The following SPOCK3 variants were observed in gnomAD, a reference collection of about 807,000 sequenced individuals.
SPOCK3 encodes SPARC (osteonectin), cwcv and kazal like domains proteoglycan 3.
In SPOCK3, 30 loss-of-function variants were observed where a neutral mutation model predicts 56.6. The ratio of observed to expected loss-of-function variants is 0.53; its 90% CI spans 0.40 to 0.72. SPOCK3 has a LOEUF of 0.72. SPOCK3 is among the 30% of genes least tolerant of loss of function. The pLI is 0.00. For synonymous variants in SPOCK3, 196 were observed against 183.3 expected, an observed-to-expected ratio of 1.07 and a Z score of -0.56; for missense variants, 527 against 530.0, an observed-to-expected ratio of 0.99 and a Z score of 0.06.
At chr4:166,838,904 G>T (rs1052268569) in intron 6 of SPOCK3, among the ~76,000 whole-genome samples, 2 of 151,080 alleles carry the variant, frequency 1.3e-5, no homozygotes, top group African/African-American at 4.9e-5. Context: ...GGAGGTTGCA[G>T]TGAGCCGAGA....
At chr4:166,767,933 C>T (rs1025014962) in intron 7 of SPOCK3, among the ~76,000 whole-genome samples, 1 of 152,106 alleles carries the variant, frequency 6.6e-6, no homozygotes, top group Admixed American at 6.6e-5. Flanking sequence ...GATGCCTTTA[C>T]CATTATGTAA....
At chr4:166,765,752 T>C (rs1480319988) in intron 7 of SPOCK3, among the ~76,000 whole-genome samples, 9 of 152,242 alleles carry the variant, frequency 5.9e-5, no homozygotes, top group South Asian at 2.1e-4. Flanking sequence ...ATGGGGATGG[T>C]ATTGAATCTA....
At chr4:166,890,024 A>G (rs1159167730) in intron 5 of SPOCK3, among the ~76,000 whole-genome samples, 1 of 151,928 alleles carries the variant, frequency 6.6e-6, no homozygotes. Context: ...TTTAGACTGA[A>G]CTTCCCATAG....
chr4:166,842,106 A>C (rs777911254), intron 6 of SPOCK3, among the ~76,000 whole-genome samples: 1 of 152,148 alleles, frequency 6.6e-6, no homozygotes, highest in African/African-American at 2.4e-5. Context: ...TGGCCTTAGG[A>C]GTGAAGCTGC....
At chr4:166,917,460 C>T (rs1182972501) in intron 4 of SPOCK3, among the ~76,000 whole-genome samples, 2 of 152,062 alleles carry the variant, frequency 1.3e-5, no homozygotes, top group African/African-American at 4.8e-5. Flanking sequence ...CCTAAGCTGG[C>T]TGAAAAACTC....
intron 2 of SPOCK3, among the ~76,000 whole-genome samples, chr4:167,110,279 C>A (rs896684125): frequency 1.3e-5 from 2 of 152,008 alleles, no homozygotes; most frequent in African/African-American, 4.8e-5. Context: ...ATCTCCTCTC[C>A]CATCTTTCCT....
chr4:167,031,562 A>T (rs1269173042), intron 3 of SPOCK3, among the ~76,000 whole-genome samples: 1 of 152,060 alleles, frequency 6.6e-6, no homozygotes, highest in Non-Finnish European at 1.5e-5. Flanking sequence ...AGAGAAAAAT[A>T]TTTGAATTAC....
intron 2 of SPOCK3, among the ~76,000 whole-genome samples, chr4:167,208,971 A>C (rs968450042): frequency 6.6e-6 from 1 of 152,176 alleles, no homozygotes; most frequent in Non-Finnish European, 1.5e-5. Flanking sequence ...ATTTGCACAT[A>C]GATCACTAAT....
At chr4:167,006,172 T>C (rs1441089403) in intron 3 of SPOCK3, among the ~76,000 whole-genome samples, 1 of 152,198 alleles carries the variant, frequency 6.6e-6, no homozygotes, top group Non-Finnish European at 1.5e-5. Context: ...ATCTCAGTTT[T>C]AGATATCAGA....
intron 2 of SPOCK3, among the ~76,000 whole-genome samples, chr4:167,160,091 A>T (rs1359825653): frequency 6.6e-5 from 10 of 152,244 alleles, no homozygotes; most frequent in Non-Finnish European, 1.3e-4. Flanking sequence ...GGAAAAGAGG[A>T]AGTCAAATTG....
intron 4 of SPOCK3, among the ~76,000 whole-genome samples, chr4:166,952,882 T>A (rs1023303925): frequency 6.6e-6 from 1 of 151,736 alleles, no homozygotes; most frequent in Non-Finnish European, 1.5e-5. Context: ...GCTAGCCATA[T>A]GTAGAAGGCT....
chr4:167,202,659 G>T (rs13328003), intron 2 of SPOCK3, among the ~76,000 whole-genome samples: 26,613 of 151,450 alleles, frequency 0.18, 2,486 homozygotes, highest in Admixed American at 0.26. Flanking sequence ...AACTGTGAAG[G>T]GTAGAGATAT....
chr4:166,909,057 T>C (rs1736959422), intron 5 of SPOCK3, among the ~76,000 whole-genome samples: 1 of 152,120 alleles, frequency 6.6e-6, no homozygotes, highest in African/African-American at 2.4e-5. Context: ...TAAATAATTT[T>C]TCTTAACAGG....
chr4:167,107,405 C>A (rs1285975702), intron 2 of SPOCK3, among the ~76,000 whole-genome samples: 1 of 151,810 alleles, frequency 6.6e-6, no homozygotes, highest in Non-Finnish European at 1.5e-5. Flanking sequence ...ACCATATGAT[C>A]ATTTCAATTG....
intron 4 of SPOCK3, among the ~76,000 whole-genome samples, chr4:166,948,516 C>G (rs1742069706): frequency 6.6e-6 from 1 of 152,108 alleles, no homozygotes; most frequent in Non-Finnish European, 1.5e-5. Flanking sequence ...CACTTCCTCA[C>G]CAACATTTTT....
At chr4:167,214,322 T>C (rs1022512532) in intron 2 of SPOCK3, among the ~76,000 whole-genome samples, 1 of 152,132 alleles carries the variant, frequency 6.6e-6, no homozygotes, top group Non-Finnish European at 1.5e-5. Context: ...CTATATAGCA[T>C]AGATTATAAA....
chr4:167,174,374 G>GA (rs1730780791), intron 2 of SPOCK3, among the ~76,000 whole-genome samples: 1 of 150,340 alleles, frequency 6.7e-6, no homozygotes, highest in Non-Finnish European at 1.5e-5. Flanking sequence ...ATGTTTCAGG[G>GA]AAAGAAGATA....
At chr4:167,115,097 C>T (rs1380192915) in intron 2 of SPOCK3, among the ~76,000 whole-genome samples, 1 of 152,030 alleles carries the variant, frequency 6.6e-6, no homozygotes. Flanking sequence ...TTGCGAACAA[C>T]TAACAGATTA....
In SPOCK3 at chr4:166,878,885, A is replaced by G. The variant is rs553948869; in HGVS notation, c.589+10245T>C. Among the ~76,000 whole-genome samples, 257 of 152,316 alleles carry G rather than the reference A, an allele frequency of 1.7e-3. 1 individual carries two copies. Among genetic ancestry groups the G allele is most frequent in the South Asian group, 6.4e-3 (31 of 4,834 alleles). ...TGTAAAGTGAAGCAAGGATACAAAT[A>G]GCATCCACATCCTAGGGCTTTGTGA... is the stretch of plus-strand genomic sequence containing the variant. On this transcript the variant is annotated intron_variant, in intron 6 of 10. Coordinates refer to ENST00000357545, the MANE Select transcript of SPOCK3 (RefSeq NM_001040159.2).
Sources: gnomAD v4.1 joint callset for allele counts (sites outside exome capture counted in the v4.1 genomes callset) on GRCh38, gnomAD v4.1.1 for gene constraint, MANE v1.5 for transcripts, NCBI Gene and HGNC (gene_info 2026-07-23, HGNC 2026-07-21) for gene names.